KIAA0825: variants seen among roughly 807,000 people sequenced by gnomAD.
KIAA0825 encodes the protein uncharacterized protein KIAA0825.
Under a neutral mutation model 147.6 loss-of-function variants are expected in KIAA0825, and 119 were observed. The observed-to-expected ratio is 0.81, with a 90% CI of 0.69 to 0.94. KIAA0825 has a LOEUF of 0.94. KIAA0825 is among the 40% of genes least tolerant of loss of function. The probability of loss-of-function intolerance (pLI) is 0.00; values close to 1 mark genes in which losing one functional copy is unlikely to be tolerated. For synonymous variants in KIAA0825, 470 were observed against 518.1 expected, an observed-to-expected ratio of 0.91 and a Z score of 1.26; for missense variants, 1,381 against 1,472.7, an observed-to-expected ratio of 0.94 and a Z score of 1.02.
chr5:94,178,199 A>T (rs534429341), intron 20 of KIAA0825, among the ~76,000 whole-genome samples: 5 of 152,036 alleles, frequency 3.3e-5, no homozygotes, highest in Admixed American at 1.3e-4. Context: ...AGAGGATTTG[A>T]CTTGGCATTT....
intron 20 of KIAA0825, among the ~76,000 whole-genome samples, chr5:94,353,473 G>A (rs776066807): frequency 1.6e-4 from 25 of 152,072 alleles, no homozygotes; most frequent in Non-Finnish European, 3.2e-4. Context: ...AGGTCTCAGA[G>A]TTTTTATTAT....
chr5:94,485,969 G>A (rs967660972), intron 5 of KIAA0825, among the ~76,000 whole-genome samples: 15 of 151,650 alleles, frequency 9.9e-5, no homozygotes, highest in Non-Finnish European at 1.3e-4. Flanking sequence ...TTATGATTAC[G>A]CTACTAGTAA....
intron 13 of KIAA0825, among the ~76,000 whole-genome samples, chr5:94,445,653 A>G (rs1562504060): frequency 6.6e-6 from 1 of 152,208 alleles, no homozygotes; most frequent in Non-Finnish European, 1.5e-5. Flanking sequence ...GTTTCCTATC[A>G]TCACATTGCT....
chr5:94,507,940 T>G (rs911387714), intron 5 of KIAA0825, among the ~76,000 whole-genome samples: 2 of 152,220 alleles, frequency 1.3e-5, no homozygotes, highest in Non-Finnish European at 2.9e-5. Context: ...TTAGTGATAT[T>G]CACTTTTAAG....
At chr5:94,178,950 TA>T (rs1244978309) in intron 20 of KIAA0825, among the ~76,000 whole-genome samples, 1 of 152,086 alleles carries the variant, frequency 6.6e-6, no homozygotes, top group Non-Finnish European at 1.5e-5. Flanking sequence ...CATTCAGCCC[TA>T]AAAGGGAACA....
intron 20 of KIAA0825, among the ~76,000 whole-genome samples, chr5:94,198,072 A>G (rs1360804576): frequency 6.6e-6 from 1 of 152,190 alleles, no homozygotes; most frequent in Non-Finnish European, 1.5e-5. Context: ...TGACATTTTA[A>G]TAATATTGAT....
intron 20 of KIAA0825, among the ~76,000 whole-genome samples, chr5:94,241,344 G>A (rs1036674697): frequency 1.3e-5 from 2 of 152,176 alleles, no homozygotes; most frequent in African/African-American, 4.8e-5. Context: ...ATACTGGACT[G>A]TTTTACATAG....
At chr5:94,446,492 G>A (rs747088779) in intron 13 of KIAA0825, among the ~76,000 whole-genome samples, 1 of 152,142 alleles carries the variant, frequency 6.6e-6, no homozygotes, top group Non-Finnish European at 1.5e-5. Context: ...ATGAAGATAA[G>A]CTGGCATTAC....
At chr5:94,466,769 GA>G (rs1396634255) in intron 10 of KIAA0825, among the ~76,000 whole-genome samples, 1 of 137,454 alleles carries the variant, frequency 7.3e-6, no homozygotes, top group Non-Finnish European at 1.6e-5. Flanking sequence ...AAAGATAAAA[GA>G]AATTACAAAA....
intron 20 of KIAA0825, among the ~76,000 whole-genome samples, chr5:94,242,963 A>C (rs1285097327): frequency 6.6e-6 from 1 of 152,044 alleles, no homozygotes; most frequent in Non-Finnish European, 1.5e-5. Context: ...GGAATTTTTT[A>C]GTTCTTCAAG....
At chr5:94,525,168 T>G (rs970078250) in intron 3 of KIAA0825, among the ~76,000 whole-genome samples, 1 of 151,896 alleles carries the variant, frequency 6.6e-6, no homozygotes, top group Non-Finnish European at 1.5e-5. Context: ...AAGAAAGATT[T>G]GATACTAAGA....
intron 5 of KIAA0825, among the ~76,000 whole-genome samples, chr5:94,511,462 A>C (rs1012136655): frequency 6.6e-6 from 1 of 152,080 alleles, no homozygotes; most frequent in Non-Finnish European, 1.5e-5. Flanking sequence ...CTCTACTAAA[A>C]ATACAAAATT....
intron 2 of KIAA0825, among the ~76,000 whole-genome samples, chr5:94,579,304 C>G (rs7707464): frequency 2.0e-5 from 3 of 152,154 alleles, no homozygotes; most frequent in African/African-American, 7.2e-5. Context: ...CATCCGTAAA[C>G]GAGTGAGAAC....
rs200830848 is a variant in KIAA0825 at position 94,524,227 on chromosome 5, A to G, written c.132-129T>C. 5.2e-4 allele frequency: 250 copies of G among 484,854 alleles called. No individual in the cohort carries two copies. The East Asian group carries it at 7.4e-3, about 14-fold the overall frequency. The allele number at this position is 484,854 out of a possible 1,614,324, so 30.0% of individuals were successfully genotyped here. A position where few individuals can be genotyped will look rare whatever the true frequency, so the allele number is the denominator to read the frequency against. Reference sequence around the variant, plus strand: ...TACAATTTACAAATTCATTCATATGATATGAAAATAATAACAGACTATACA... The same window carrying G: ...TACAATTTACAAATTCATTCATATGGTATGAAAATAATAACAGACTATACA... On this transcript the variant is annotated intron_variant, in intron 3 of 20. Coordinates refer to ENST00000682413, the MANE Select transcript of KIAA0825 (RefSeq NM_001145678.3).
At chr5:94,541,218 A>G (rs1033108654) in intron 2 of KIAA0825, among the ~76,000 whole-genome samples, 4 of 152,228 alleles carry the variant, frequency 2.6e-5, no homozygotes, top group South Asian at 2.1e-4. Flanking sequence ...TAGACGCTGG[A>G]AAGAGTCAGA....
chr5:94,491,473 GCCT>G (rs1472504537), intron 5 of KIAA0825, among the ~76,000 whole-genome samples: 1 of 152,082 alleles, frequency 6.6e-6, no homozygotes, highest in East Asian at 1.9e-4. Context: ...GAAGCACTGG[GCCT>G]CCTCAAATGC....
intron 20 of KIAA0825, among the ~76,000 whole-genome samples, chr5:94,249,008 A>T (rs1258680177): frequency 6.6e-6 from 1 of 152,124 alleles, no homozygotes; most frequent in Non-Finnish European, 1.5e-5. Flanking sequence ...GGGAAGAAAG[A>T]AAGAATGAAA....
intron 10 of KIAA0825, among the ~76,000 whole-genome samples, chr5:94,466,973 G>A (rs1638299454): frequency 6.6e-6 from 1 of 151,892 alleles, no homozygotes; most frequent in Non-Finnish European, 1.5e-5. Context: ...TTTCCCTATG[G>A]CAATGGGTCA....
chr5:94,540,319 C>G (rs1773027526), intron 2 of KIAA0825, among the ~76,000 whole-genome samples: 1 of 152,178 alleles, frequency 6.6e-6, no homozygotes, highest in African/African-American at 2.4e-5. Context: ...GCTTAGGACA[C>G]CTTGTAAGCC....
Sources: gnomAD v4.1 joint callset for allele counts (sites outside exome capture counted in the v4.1 genomes callset) on GRCh38, gnomAD v4.1.1 for gene constraint, MANE v1.5 for transcripts, NCBI Gene and HGNC (gene_info 2026-07-23, HGNC 2026-07-21) for gene names.